Variants in GPC5 observed in about 807,000 individuals in gnomAD.
GPC5 encodes the protein glypican 5.
Under a neutral mutation model 53.9 loss-of-function variants are expected in GPC5, and 47 were observed. The ratio of observed to expected loss-of-function variants is 0.87; its 90% CI spans 0.69 to 1.11. GPC5 has a LOEUF of 1.11. Among genes scored for constraint, GPC5 ranks in the 50% most tolerant of loss-of-function variants. GPC5 has a pLI of 0.00. For missense variants in GPC5, 748 were observed against 713.1 expected, an observed-to-expected ratio of 1.05 and a Z score of -0.56; for synonymous variants, 286 against 263.3, an observed-to-expected ratio of 1.09 and a Z score of -0.84.
intron 2 of GPC5, among the ~76,000 whole-genome samples, chr13:91,580,083 C>T (rs907961678): frequency 2.0e-5 from 3 of 152,262 alleles, no homozygotes; most frequent in Admixed American, 1.3e-4. Flanking sequence ...CAGAGTCTTG[C>T]TCTGTCACCC....
At chr13:91,421,094 T>G (rs1379575202) in intron 1 of GPC5, among the ~76,000 whole-genome samples, 1 of 152,238 alleles carries the variant, frequency 6.6e-6, no homozygotes, top group Non-Finnish European at 1.5e-5. Context: ...ATCAGGAGCA[T>G]ATTTCTACCA....
At chr13:91,819,969 C>T (rs1157446919) in intron 5 of GPC5, among the ~76,000 whole-genome samples, 2 of 152,060 alleles carry the variant, frequency 1.3e-5, no homozygotes, top group Non-Finnish European at 2.9e-5. Context: ...ATTTGTATTT[C>T]CCTTATTTCT....
intron 6 of GPC5, among the ~76,000 whole-genome samples, chr13:91,954,529 A>G (rs1172342059): frequency 3.3e-5 from 4 of 120,300 alleles, no homozygotes; most frequent in Admixed American, 1.6e-4. Context: ...ACATAACAAT[A>G]TTTGATAAAA....
intron 7 of GPC5, among the ~76,000 whole-genome samples, chr13:92,821,663 C>A (rs1042021160): frequency 6.6e-6 from 1 of 152,108 alleles, no homozygotes; most frequent in Non-Finnish European, 1.5e-5. Context: ...CACTTGTATT[C>A]CTCAGCTGGC....
chr13:91,916,789 CTT>C (rs974063319), intron 6 of GPC5, among the ~76,000 whole-genome samples: 5 of 152,154 alleles, frequency 3.3e-5, no homozygotes, highest in African/African-American at 9.7e-5. Flanking sequence ...ATGCCAGACA[CTT>C]ATAAAACCAT....
chr13:92,264,977 G>A (rs2042793309), intron 7 of GPC5, among the ~76,000 whole-genome samples: 1 of 150,420 alleles, frequency 6.6e-6, no homozygotes, highest in Non-Finnish European at 1.5e-5. Flanking sequence ...GTAGAGAGCA[G>A]AGATTTGAGG....
At chr13:92,469,677 T>C (rs1019945448) in intron 7 of GPC5, among the ~76,000 whole-genome samples, 2 of 152,126 alleles carry the variant, frequency 1.3e-5, no homozygotes, top group Non-Finnish European at 2.9e-5. Flanking sequence ...AAGTAAAAAT[T>C]TGTTTAATTG....
intron 2 of GPC5, among the ~76,000 whole-genome samples, chr13:91,577,425 C>G (rs1043785651): frequency 6.6e-6 from 1 of 152,170 alleles, no homozygotes; most frequent in South Asian, 2.1e-4. Context: ...GCCTTGGCTA[C>G]TTTGGAAAGA....
chr13:91,755,496 G>C (rs1171594399), intron 4 of GPC5, among the ~76,000 whole-genome samples: 1 of 151,960 alleles, frequency 6.6e-6, no homozygotes, highest in Non-Finnish European at 1.5e-5. Context: ...TTTAGGACTT[G>C]GCCTTGAAAT....
intron 7 of GPC5, among the ~76,000 whole-genome samples, chr13:92,523,854 G>GATTATACTATAGTCAATTAA (rs1344631521): frequency 6.6e-6 from 1 of 151,988 alleles, no homozygotes; most frequent in Non-Finnish European, 1.5e-5. Context: ...GTAATGTTTA[G>GATTATACTATAGTCAATTAA]ATTATACTAT....
intron 2 of GPC5, among the ~76,000 whole-genome samples, chr13:91,676,888 G>A (rs2035396627): frequency 6.6e-6 from 1 of 152,182 alleles, no homozygotes; most frequent in South Asian, 2.1e-4. Context: ...GTAGGGTAGG[G>A]ACAGGGACCA....
chr13:92,671,601 A>G (rs1490927287), intron 7 of GPC5, among the ~76,000 whole-genome samples: 1 of 152,204 alleles, frequency 6.6e-6, no homozygotes, highest in Non-Finnish European at 1.5e-5. Context: ...GAGCAGCAGT[A>G]ATTATGGACA....
chr13:92,457,011 C>A (rs1213390073), intron 7 of GPC5, among the ~76,000 whole-genome samples: 1 of 151,856 alleles, frequency 6.6e-6, no homozygotes, highest in African/African-American at 2.4e-5. Flanking sequence ...TTCTCTGCCC[C>A]ATCTAGTTGT....
intron 7 of GPC5, among the ~76,000 whole-genome samples, chr13:92,633,347 T>TAA (rs1885316863): frequency 2.1e-5 from 3 of 144,420 alleles, no homozygotes; most frequent in African/African-American, 7.7e-5. Context: ...GATAAAAAGT[T>TAA]AAGAATCAGA....
At chr13:91,556,840 G>A (rs1028637287) in intron 2 of GPC5, among the ~76,000 whole-genome samples, 6 of 151,836 alleles carry the variant, frequency 4.0e-5, no homozygotes, top group Non-Finnish European at 5.9e-5. Flanking sequence ...AGGGGGGTGA[G>A]AGATAAAAAA....
chr13:92,290,280 C>G (rs77615972), intron 7 of GPC5, among the ~76,000 whole-genome samples: 3,847 of 152,246 alleles, frequency 0.025, 74 homozygotes, highest in Non-Finnish European at 0.039. Flanking sequence ...AGTGAGGAAT[C>G]TAATCCTATA....
intron 7 of GPC5, among the ~76,000 whole-genome samples, chr13:92,724,137 A>G (rs187873460): frequency 8.3e-4 from 126 of 151,696 alleles, no homozygotes; most frequent in Non-Finnish European, 1.6e-3. Context: ...TACTGCTTTC[A>G]TAGAAGTTGA....
At chr13:92,613,395 A>T (rs1469361526) in intron 7 of GPC5, among the ~76,000 whole-genome samples, 2 of 40,408 alleles carry the variant, frequency 4.9e-5, no homozygotes, top group Admixed American at 4.6e-4. Context: ...TTATATATAA[A>T]TATATATTAT....
chr13:92,363,584 T>A (rs2043585578), intron 7 of GPC5, among the ~76,000 whole-genome samples: 2 of 151,758 alleles, frequency 1.3e-5, no homozygotes, highest in Non-Finnish European at 2.9e-5. Flanking sequence ...GGATAATGCT[T>A]GCTTGTCTGC....
Sources: gnomAD v4.1 joint callset for allele counts (sites outside exome capture counted in the v4.1 genomes callset) on GRCh38, gnomAD v4.1.1 for gene constraint, MANE v1.5 for transcripts, NCBI Gene and HGNC (gene_info 2026-07-23, HGNC 2026-07-21) for gene names.